C8orf34: variants seen among roughly 807,000 people sequenced by gnomAD.
The protein encoded by C8orf34 is chromosome 8 open reading frame 34, also known as uncharacterized protein C8orf34.
A neutral mutation model predicts 68.3 loss-of-function variants in C8orf34; 65 were observed. The observed-to-expected ratio is 0.95, with a 90% CI of 0.78 to 1.17. C8orf34 has a LOEUF of 1.17. C8orf34 is among the 50% of genes most tolerant of loss of function. C8orf34 has a pLI of 0.00. For missense variants in C8orf34, 664 were observed against 655.4 expected (o/e 1.01, Z -0.14); for synonymous variants, 244 against 241.2 (o/e 1.01, Z -0.11).
At chr8:68,761,303 G>C (rs183180678) in intron 10 of C8orf34, among the ~76,000 whole-genome samples, 1 of 152,104 alleles carries the variant, frequency 6.6e-6, no homozygotes, top group Non-Finnish European at 1.5e-5. Context: ...TTCCCCAGTG[G>C]GGAACCCCTT....
chr8:68,478,912 A>G (rs1812738578), intron 4 of C8orf34, among the ~76,000 whole-genome samples: 1 of 152,164 alleles, frequency 6.6e-6, no homozygotes. Flanking sequence ...TTGGTTGGGG[A>G]CACAGAGCCA....
At chr8:68,646,249 T>A (rs529647440) in intron 8 of C8orf34, among the ~76,000 whole-genome samples, 1 of 152,208 alleles carries the variant, frequency 6.6e-6, no homozygotes, top group African/African-American at 2.4e-5. Flanking sequence ...TTATTGCTTT[T>A]ATCAAGCAAT....
intron 8 of C8orf34, among the ~76,000 whole-genome samples, chr8:68,654,362 A>C (rs1247756811): frequency 6.6e-6 from 1 of 152,178 alleles, no homozygotes; most frequent in South Asian, 2.1e-4. Flanking sequence ...TTTTCTCAGT[A>C]CTTTTAGATG....
At chr8:68,475,678 A>G (rs184959197) in intron 4 of C8orf34, among the ~76,000 whole-genome samples, 2 of 152,176 alleles carry the variant, frequency 1.3e-5, no homozygotes, top group Admixed American at 1.3e-4. Flanking sequence ...AAATAAATAA[A>G]CATCCTAAAA....
At chr8:68,585,817 C>T (rs775919407) in intron 7 of C8orf34, among the ~76,000 whole-genome samples, 4 of 152,032 alleles carry the variant, frequency 2.6e-5, no homozygotes, top group African/African-American at 7.2e-5. Flanking sequence ...AACAAGCAAT[C>T]GAGGAGGAGA....
chr8:68,396,766 C>T (rs1607142), intron 1 of C8orf34, among the ~76,000 whole-genome samples: 100,405 of 143,870 alleles, frequency 0.7, 35,275 homozygotes, highest in African/African-American at 0.77. Context: ...CTCTCTCTCT[C>T]GCTTCCTCTC....
intron 1 of C8orf34, among the ~76,000 whole-genome samples, chr8:68,418,853 C>G (rs997003825): frequency 2.0e-5 from 3 of 151,760 alleles, no homozygotes; most frequent in African/African-American, 7.3e-5. Context: ...AAGACTTAAA[C>G]GTTAGACCTA....
rs571780200 is a variant in C8orf34 at position 68,536,076 on chromosome 8, C to T, written c.1105+2927C>T. Reference sequence around the variant, plus strand: ...TTTTCAAAAATGGAATGACAAGTTACAATGGTAGAATGAGAGATTTATTGC... The same window carrying T: ...TTTTCAAAAATGGAATGACAAGTTATAATGGTAGAATGAGAGATTTATTGC... On this transcript the variant is annotated intron_variant, in intron 7 of 13. Coordinates refer to ENST00000518698, the MANE Select transcript of C8orf34 (RefSeq NM_052958.4). Among the ~76,000 whole-genome samples, 4 of 151,756 alleles carry T rather than the reference C, an allele frequency of 2.6e-5. No individual in the cohort carries two copies. The East Asian group carries it at 7.7e-4, about 29-fold the overall frequency.
chr8:68,344,840 G>A (rs546552421), intron 1 of C8orf34, among the ~76,000 whole-genome samples: 1 of 152,022 alleles, frequency 6.6e-6, no homozygotes, highest in African/African-American at 2.4e-5. Flanking sequence ...TTTTTATTGG[G>A]GGGGAGTAAC....
intron 10 of C8orf34, among the ~76,000 whole-genome samples, chr8:68,771,798 T>A (rs1193379034): frequency 6.6e-6 from 1 of 152,216 alleles, no homozygotes; most frequent in African/African-American, 2.4e-5. Flanking sequence ...AATGAAAGAC[T>A]AGATGCCTTT....
intron 10 of C8orf34, among the ~76,000 whole-genome samples, chr8:68,762,678 G>A (rs140303257): frequency 2.2e-3 from 340 of 152,262 alleles, no homozygotes; most frequent in Middle Eastern, 6.8e-3. Flanking sequence ...TTTGAACTGG[G>A]TTCTAAAGAT....
At chr8:68,580,770 G>A (rs898741954) in intron 7 of C8orf34, among the ~76,000 whole-genome samples, 18 of 152,168 alleles carry the variant, frequency 1.2e-4, no homozygotes, top group African/African-American at 4.3e-4. Flanking sequence ...ATTCTCCAGA[G>A]AGATAGCTCT....
chr8:68,342,434 C>T (rs1317666623), intron 1 of C8orf34, among the ~76,000 whole-genome samples: 2 of 152,138 alleles, frequency 1.3e-5, no homozygotes, highest in Non-Finnish European at 2.9e-5. Context: ...TTTCAAAGCA[C>T]ACATCTAACA....
rs761236020 is a variant in C8orf34 at position 68,514,793 on chromosome 8, T to C, written c.766-7006T>C. Among the ~76,000 whole-genome samples, 43 of 152,228 alleles carry C rather than the reference T, an allele frequency of 2.8e-4. 1 individual carries two copies. The highest frequency in any genetic ancestry group is 5.3e-4 in the Non-Finnish European group (36 of 68,038). ...TTTTCTATAATTGGTCTTATTTTCA[T>C]TCAACAGTGTAACAGTTACCCAAAT... On this transcript the variant is annotated intron_variant, in intron 5 of 13. Coordinates refer to ENST00000518698, the MANE Select transcript of C8orf34 (RefSeq NM_052958.4).
intron 3 of C8orf34, among the ~76,000 whole-genome samples, chr8:68,459,467 G>A (rs1461457122): frequency 1.3e-5 from 2 of 152,014 alleles, no homozygotes; most frequent in East Asian, 1.9e-4. Context: ...TCCTGACCTC[G>A]TGATCCACCC....
chr8:68,345,375 A>G (rs560099551), intron 1 of C8orf34, among the ~76,000 whole-genome samples: 3 of 152,064 alleles, frequency 2.0e-5, no homozygotes, highest in Admixed American at 2.0e-4. Flanking sequence ...TACTTTAAAA[A>G]CTTTTATGCC....
chr8:68,446,601 C>T (rs939952416), intron 3 of C8orf34, 141 bp downstream of exon 3: 18 of 797,854 alleles, frequency 2.3e-5, no homozygotes, highest in African/African-American at 3.5e-5. Flanking sequence ...ACTTTTACTC[C>T]GCATTTACAT....
intron 8 of C8orf34, among the ~76,000 whole-genome samples, chr8:68,673,799 A>C (rs1116986): frequency 0.46 from 70,169 of 151,864 alleles, 16,525 homozygotes; most frequent in East Asian, 0.57. Context: ...AGATGGTAGC[A>C]AGACAGTGGT....
intron 7 of C8orf34, among the ~76,000 whole-genome samples, chr8:68,561,601 A>G (rs923279004): frequency 1.3e-5 from 2 of 152,090 alleles, no homozygotes; most frequent in African/African-American, 2.4e-5. Flanking sequence ...TACTAAAAAT[A>G]CAAAAAATTA....
Sources: allele counts gnomAD v4.1 joint callset (sites outside exome capture counted in the v4.1 genomes callset), GRCh38; gene constraint gnomAD v4.1.1; transcripts MANE v1.5; gene names NCBI Gene and HGNC (gene_info 2026-07-23, HGNC 2026-07-21).